The following LRRK2 variants were observed in gnomAD, a reference collection of about 807,000 sequenced individuals.
The protein encoded by LRRK2 is leucine-rich repeat serine/threonine-protein kinase 2.
A neutral mutation model predicts 302.6 loss-of-function variants in LRRK2; 203 were observed. The ratio of observed to expected loss-of-function variants is 0.67; its 90% CI spans 0.60 to 0.75. The LOEUF (loss-of-function observed/expected upper bound fraction) is 0.75. Among genes scored for constraint, LRRK2 ranks in the 30% least tolerant of loss-of-function variants. The pLI, the probability that LRRK2 is intolerant of heterozygous loss-of-function variation, is 0.00. For missense variants in LRRK2, 2,830 were observed against 2,951.0 expected, an observed-to-expected ratio of 0.96 and a Z score of 0.95; for synonymous variants, 1,066 against 1,031.9, an observed-to-expected ratio of 1.03 and a Z score of -0.63.
Position 40,252,958 on chromosome 12 carries a change from A to T in LRRK2, c.1230A>T (p.Ser410=), listed in dbSNP as rs376621322. The T allele has an allele frequency of 2.5e-6, 4 of 1,613,522 alleles. No homozygotes were observed. The change falls in exon 11 of 51, where the codon TCA becomes TCT. Residue 410 remains serine (S), a synonymous_variant. Transcript: ENST00000298910. ...EVMLSMLMHS[S]SKEVFQASAN... ...TGCTCTCCATGCTGATGCATTCTTCATCAAAGGAAGTTTTCCAGGCATCTG... is the reference window on the plus strand; with the variant it reads ...TGCTCTCCATGCTGATGCATTCTTCTTCAAAGGAAGTTTTCCAGGCATCTG...
chr12:40,334,607 G>A (rs928647916), intron 39 of LRRK2, among the ~76,000 whole-genome samples: 2 of 152,118 alleles, frequency 1.3e-5, no homozygotes, highest in Non-Finnish European at 2.9e-5. Flanking sequence ...TCGTTAAGTA[G>A]AAGTGGATCA....
At chr12:40,304,552 T>C in intron 27 of LRRK2, 1 of 178,100 alleles carries the variant, frequency 5.6e-6, no homozygotes, top group Non-Finnish European at 1.2e-5. Context: ...GATGTTATCA[T>C]ATAACATATT....
Position 40,351,705 on chromosome 12 carries a change from A to T in LRRK2, c.6548A>T (p.Asp2183Val), listed in dbSNP as rs768558436. The T allele has an allele frequency of 6.2e-7, 1 of 1,614,192 alleles. No individual in the cohort carries two copies. The highest frequency in any genetic ancestry group is 8.5e-7 in the Non-Finnish European group (1 of 1,180,028). Residue 2183 changes from aspartate (D) to valine (V), a missense_variant, in exon 44 of 51, where the codon GAC becomes GTC. Physicochemically the swap from Asp to Val is radical, Grantham distance 152. Transcript: ENST00000298910. Reference protein sequence around the residue: ...HTDRGQLSFLDLNTEGYTSEE... With the variant: ...HTDRGQLSFLVLNTEGYTSEE... ...GACAGAGGACAGCTCTCATTTCTTG[A>T]CTTAAATACTGAAGGATACACTTCT...
chr12:40,227,663 T>C (rs1281003203), intron 2 of LRRK2, among the ~76,000 whole-genome samples: 1 of 152,220 alleles, frequency 6.6e-6, no homozygotes, highest in African/African-American at 2.4e-5. Context: ...TAATATTCCA[T>C]TGTGTATGTA....
At chr12:40,264,529 G>T (rs1942923710) in intron 14 of LRRK2, among the ~76,000 whole-genome samples, 1 of 152,214 alleles carries the variant, frequency 6.6e-6, no homozygotes, top group African/African-American at 2.4e-5. Context: ...TGAGGCAGGA[G>T]AATCGCTTGA....
At chr12:40,233,774 A>G (rs1484324558) in intron 3 of LRRK2, among the ~76,000 whole-genome samples, 1 of 152,174 alleles carries the variant, frequency 6.6e-6, no homozygotes, top group Non-Finnish European at 1.5e-5. Flanking sequence ...GTACAAACCA[A>G]CTGTTCAAAT....
At chr12:40,253,126 T>G in intron 11 of LRRK2, 110 bp downstream of exon 11, 1 of 707,480 alleles carries the variant, frequency 1.4e-6, no homozygotes, top group South Asian at 1.6e-5. Context: ...AGCTATATAT[T>G]GTGAAAGATA....
intron 37 of LRRK2, among the ~76,000 whole-genome samples, chr12:40,322,738 C>G (rs992884091): frequency 6.6e-6 from 1 of 152,038 alleles, no homozygotes; most frequent in African/African-American, 2.4e-5. Context: ...TATTGAGCAA[C>G]ATAACCTCAT....
At chr12:40,337,221 T>G (rs1945897953) in intron 40 of LRRK2, among the ~76,000 whole-genome samples, 1 of 152,188 alleles carries the variant, frequency 6.6e-6, no homozygotes, top group Admixed American at 6.5e-5. Context: ...AATAAAATCA[T>G]GCTCCTTTGG....
At chr12:40,274,523 T>C (rs550890137) in intron 14 of LRRK2, 60 bp from the exon 15 acceptor site, 9 of 1,565,880 alleles carry the variant, frequency 5.7e-6, no homozygotes, top group Non-Finnish European at 7.9e-6. Context: ...CTATAACTGG[T>C]CTTAACTAAG....
intron 39 of LRRK2, among the ~76,000 whole-genome samples, chr12:40,334,049 G>A (rs957179879): frequency 6.6e-6 from 1 of 152,066 alleles, no homozygotes; most frequent in Non-Finnish European, 1.5e-5. Flanking sequence ...TTTCAGGAGG[G>A]GATGATATGT....
At chr12:40,359,526 A>C (rs190532647) in intron 47 of LRRK2, 82 bp downstream of exon 47, 75 of 1,073,102 alleles carry the variant, frequency 7.0e-5, no homozygotes, top group Middle Eastern at 3.0e-4. Flanking sequence ...ACTGTTGATA[A>C]TTCATAAGGA....
chr12:40,298,251 G>T lies in LRRK2; in HGVS notation c.3105G>T (p.Lys1035Asn). ...AACTATTGTCTTTTCAGACTCTGAA[G>T]AGTTTGACACATTTGGACTTGCACA... ...SFPQQLCETLKSLTHLDLHSN... is the reference protein window; with the variant it reads ...SFPQQLCETLNSLTHLDLHSN... Residue 1035 changes from lysine (K) to asparagine (N), a missense_variant, in exon 24 of 51, where the codon AAG becomes AAT. Physicochemically the swap from Lys to Asn is moderately conservative, Grantham distance 94 (BLOSUM62 0). Around this residue, in one of 3 missense-constraint regions of LRRK2, gnomAD observed 2,121 missense variants for 2,148.0 expected, o/e 0.99. Coordinates refer to ENST00000298910, the MANE Select transcript of LRRK2 (RefSeq NM_198578.4). The T allele has an allele frequency of 1.2e-6, 2 of 1,613,382 alleles. No individual in the cohort carries two copies. The highest frequency in any genetic ancestry group is 1.7e-6 in the Non-Finnish European group (2 of 1,179,894).
At chr12:40,235,856 G>A (rs1941439343) in intron 4 of LRRK2, 142 bp downstream of exon 4, 1 of 590,142 alleles carries the variant, frequency 1.7e-6, no homozygotes, top group African/African-American at 2.4e-5. Context: ...TCCTAAAATT[G>A]CATCTGTTTT....
chr12:40,302,187 T>C (rs553656619), intron 25 of LRRK2, among the ~76,000 whole-genome samples: 2 of 151,800 alleles, frequency 1.3e-5, no homozygotes, highest in East Asian at 3.9e-4. Context: ...CAAATAACAA[T>C]AATAATAATA....
At chr12:40,309,338 TC>T in intron 30 of LRRK2, 105 bp downstream of exon 30, 1 of 1,399,720 alleles carries the variant, frequency 7.1e-7, no homozygotes, top group Non-Finnish European at 9.6e-7. Context: ...ATTGCTTCAG[TC>T]TCTTTAAATA....
At chr12:40,306,060 G>T in intron 28 of LRRK2, 94 bp downstream of exon 28, 1 of 964,816 alleles carries the variant, frequency 1.0e-6, no homozygotes. Flanking sequence ...ACTATTTAGG[G>T]AAAAATAAAT....
At chr12:40,267,289 A>G (rs755521992) in intron 14 of LRRK2, among the ~76,000 whole-genome samples, 3 of 152,170 alleles carry the variant, frequency 2.0e-5, no homozygotes, top group Non-Finnish European at 4.4e-5. Flanking sequence ...ACTTCCTTTT[A>G]ATACCTATCC....
At chr12:40,228,346 G>A (rs1041368795) in intron 2 of LRRK2, among the ~76,000 whole-genome samples, 2 of 142,442 alleles carry the variant, frequency 1.4e-5, no homozygotes, top group African/African-American at 5.2e-5. Flanking sequence ...TGAAGTTTAG[G>A]ATTTTTTTTT....
Sources: allele counts gnomAD v4.1 joint callset (sites outside exome capture counted in the v4.1 genomes callset), GRCh38; gene constraint gnomAD v4.1.1; regional missense constraint gnomAD v4.1.1; transcripts MANE v1.5; gene names NCBI Gene and HGNC (gene_info 2026-07-23, HGNC 2026-07-21).